The following BMPR2 variants were observed in gnomAD, a reference collection of about 807,000 sequenced individuals.
The protein encoded by BMPR2 is bone morphogenetic protein receptor type-2.
BMPR2 carries 29 observed loss-of-function variants against 100.8 expected under a neutral mutation model. That is an observed-to-expected ratio of 0.29 (90% CI 0.21 to 0.39). BMPR2 has a LOEUF of 0.39. BMPR2 is among the 10% of genes least tolerant of loss of function. The pLI is 1.00. For missense variants in BMPR2, 1,011 were observed against 1,274.5 expected, an observed-to-expected ratio of 0.79 and a Z score of 3.15; for synonymous variants, 382 against 442.3, an observed-to-expected ratio of 0.86 and a Z score of 1.71.
At chr2:202,534,541 G>T (rs2106022084) in intron 9 of BMPR2, among the ~76,000 whole-genome samples, 1 of 152,254 alleles carries the variant, frequency 6.6e-6, no homozygotes, top group Middle Eastern at 3.4e-3. Flanking sequence ...CCCTGAGTGG[G>T]ACACAGCACA....
At chr2:202,538,959 A>C (rs2106027998) in intron 9 of BMPR2, among the ~76,000 whole-genome samples, 1 of 152,280 alleles carries the variant, frequency 6.6e-6, no homozygotes, top group South Asian at 2.1e-4. Context: ...GTTATTTGGG[A>C]GTTGTCTACA....
At chr2:202,492,671 G>T (rs1692927067) in intron 3 of BMPR2, among the ~76,000 whole-genome samples, 1 of 125,536 alleles carries the variant, frequency 8.0e-6, no homozygotes, top group South Asian at 2.5e-4. Flanking sequence ...TTGCACTCTA[G>T]CCTGGGCGAC....
chr2:202,513,301 A>G (rs1171851316), intron 3 of BMPR2, among the ~76,000 whole-genome samples: 1 of 152,176 alleles, frequency 6.6e-6, no homozygotes, highest in East Asian at 1.9e-4. Flanking sequence ...TGTGTTAAGT[A>G]CTTAGACTAC....
rs762096820 is a variant in BMPR2 at position 202,485,545 on chromosome 2, C to CTTTTTTTTTTTTTTTTTTTTTTTTTTT, written c.418+17875_418+17876insTTTTTTTTTTTTTTTTTTTTTTTTTTT. 1.7e-4 allele frequency among the ~76,000 whole-genome samples: 11 copies of CTTTTTTTTTTTTTTTTTTTTTTTTTTT among 64,020 alleles called. 3 individuals are homozygous for CTTTTTTTTTTTTTTTTTTTTTTTTTTT. The East Asian group carries it at 3.0e-3, about 18-fold the overall frequency. 42.0% of individuals were successfully genotyped at this position (64,020 alleles called of 152,430 possible). A position where few individuals can be genotyped will look rare whatever the true frequency, so the allele number is the denominator to read the frequency against. On this transcript the variant is annotated intron_variant, in intron 3 of 12. Transcript: ENST00000374580. Reference sequence around the variant, plus strand: ...GTCTCAAATCTCCCTTTGCCTTTATCTTTTTTTTTTTTTTTTTTTGAGACA... The same window carrying CTTTTTTTTTTTTTTTTTTTTTTTTTTT: ...GTCTCAAATCTCCCTTTGCCTTTATCTTTTTTTTTTTTTTTTTTTTTTTTTTTTTTTTTTTTTTTTTTTTTTGAGACA...
At chr2:202,458,174 C>G (rs1035304460) in intron 1 of BMPR2, among the ~76,000 whole-genome samples, 1 of 149,522 alleles carries the variant, frequency 6.7e-6, no homozygotes, top group Non-Finnish European at 1.5e-5. Flanking sequence ...GAGCCAGGTA[C>G]TGTGGCTCAC....
intron 3 of BMPR2, among the ~76,000 whole-genome samples, chr2:202,497,877 C>A (rs1010961607): frequency 6.6e-6 from 1 of 152,180 alleles, no homozygotes; most frequent in African/African-American, 2.4e-5. Flanking sequence ...CCTGGGCTCA[C>A]CAATCAGAAA....
At chr2:202,413,581 C>G (rs1285308049) in intron 1 of BMPR2, among the ~76,000 whole-genome samples, 1 of 152,020 alleles carries the variant, frequency 6.6e-6, no homozygotes, top group Non-Finnish European at 1.5e-5. Flanking sequence ...ATAGAACATA[C>G]AAGAATCATT....
At chr2:202,523,949 C>T (rs1481278325) in intron 7 of BMPR2, among the ~76,000 whole-genome samples, 3 of 152,076 alleles carry the variant, frequency 2.0e-5, no homozygotes, top group Non-Finnish European at 4.4e-5. Flanking sequence ...AACCAAATAC[C>T]ACATTTTCTC....
rs376946783 is a variant in BMPR2 at position 202,514,076 on chromosome 2, T to C, written c.529+247T>C. ...ATATATCTGTAAATATTTAATTAGA[T>C]ATTATATATCTATAAATATTATCTC... On this transcript the variant is annotated intron_variant, in intron 4 of 12. Transcript: ENST00000374580. 2.9e-4 allele frequency among the ~76,000 whole-genome samples: 44 copies of C among 152,144 alleles called. No individual in the cohort carries two copies. In the East Asian group the frequency reaches 7.1e-3, roughly 25 times the overall value.
chr2:202,431,991 T>C (rs1691514320), intron 1 of BMPR2, among the ~76,000 whole-genome samples: 1 of 150,610 alleles, frequency 6.6e-6, no homozygotes. Context: ...ATTCTTTTTA[T>C]ATATAAATAT....
chr2:202,384,530 C>CTCTTTCTTTCTTTCTT (rs202188126), intron 1 of BMPR2, among the ~76,000 whole-genome samples: 53 of 107,688 alleles, frequency 4.9e-4, no homozygotes, highest in African/African-American at 1.2e-3. Flanking sequence ...TTCTTTCTTT[C>CTCTTTCTTTCTTTCTT]TCTTTCTTTC....
intron 1 of BMPR2, among the ~76,000 whole-genome samples, chr2:202,438,782 G>T (rs1379443447): frequency 6.6e-6 from 1 of 150,432 alleles, no homozygotes; most frequent in Non-Finnish European, 1.5e-5. Flanking sequence ...ATATATAAGG[G>T]TTTATCTCTG....
At position 202,559,617 on chromosome 2, in the gene BMPR2, C is replaced by T. The variant is rs1688646131; in HGVS notation, c.2867-79C>T. On this transcript the variant is annotated intron_variant, in intron 12 of 12. Coordinates refer to ENST00000374580, the MANE Select transcript of BMPR2 (RefSeq NM_001204.7). The stretch of plus-strand genomic sequence containing the variant: ...GCACCCTCCTGAGACATTGGTTTGA[C>T]CTTTTCTTGAGTTACATCCCTTACC... 6.8e-6 allele frequency: 10 copies of T among 1,478,918 alleles called. No individual in the cohort carries two copies. In the South Asian group the frequency reaches 8.3e-5, roughly 12 times the overall value. The allele number at this position is 1,478,918 out of a possible 1,614,324, so 91.6% of individuals were successfully genotyped here. A position where few individuals can be genotyped will look rare whatever the true frequency, so the allele number is the denominator to read the frequency against.
Position 202,439,684 on chromosome 2 carries a change from G to A in BMPR2, c.77-25125G>A, listed in dbSNP as rs1455821269. 2.7e-5 allele frequency among the ~76,000 whole-genome samples: 4 copies of A among 149,768 alleles called. No individual in the cohort carries two copies. The East Asian group carries it at 5.8e-4, about 22-fold the overall frequency. On this transcript the variant is annotated intron_variant, in intron 1 of 12. Transcript: ENST00000374580. ...CATTTTTGTCTCGTTCCTGATCTTC[G>A]AAGGAAAGTTTTTAGTTTTTCACCA...
Position 202,376,930 on chromosome 2 carries a change from A to G in BMPR2, c.-545A>G. The G allele has an allele frequency of 2.3e-6, 1 of 443,678 alleles. No individual in the cohort carries two copies. Among genetic ancestry groups the G allele is most frequent in the Non-Finnish European group, 3.9e-6 (1 of 253,504 alleles). 27.5% of individuals were successfully genotyped at this position (443,678 alleles called of 1,614,324 possible). A position where few individuals can be genotyped will look rare whatever the true frequency, so the allele number is the denominator to read the frequency against. ...GAGGATTTGTTGTTTTCGAAATCAG[A>G]GTGAAGGAAGCACCGAAGCGAAACT... On this transcript the variant is annotated 5_prime_UTR_variant, in exon 1 of 13. Coordinates refer to ENST00000374580, the MANE Select transcript of BMPR2 (RefSeq NM_001204.7).
At chr2:202,479,885 C>G (rs1048142562) in intron 3 of BMPR2, among the ~76,000 whole-genome samples, 1 of 152,000 alleles carries the variant, frequency 6.6e-6, no homozygotes, top group Non-Finnish European at 1.5e-5. Flanking sequence ...TCCTGTGCTT[C>G]TTAAACATTG....
At chr2:202,539,896 A>T (rs2106028795) in intron 9 of BMPR2, among the ~76,000 whole-genome samples, 1 of 152,268 alleles carries the variant, frequency 6.6e-6, no homozygotes, top group East Asian at 1.9e-4. Context: ...GAGATTATAA[A>T]ACTTTCCTTG....
intron 9 of BMPR2, among the ~76,000 whole-genome samples, 187 bp from the exon 10 acceptor site, chr2:202,542,123 GA>G (rs956976392): frequency 5.4e-5 from 8 of 148,462 alleles, no homozygotes; most frequent in Admixed American, 6.7e-5. Context: ...AAAAAAAAAA[GA>G]AAAAAAAATC....
At chr2:202,402,560 C>T (rs899899051) in intron 1 of BMPR2, among the ~76,000 whole-genome samples, 1 of 151,888 alleles carries the variant, frequency 6.6e-6, no homozygotes, top group Non-Finnish European at 1.5e-5. Flanking sequence ...TTAATTTAAG[C>T]CTTGAATGCT....
Sources: allele counts gnomAD v4.1 joint callset (sites outside exome capture counted in the v4.1 genomes callset), GRCh38; gene constraint gnomAD v4.1.1; transcripts MANE v1.5; gene names NCBI Gene and HGNC (gene_info 2026-07-23, HGNC 2026-07-21).